GALNT13: variants seen among roughly 807,000 people sequenced by gnomAD.
GALNT13 encodes the protein UDP-GalNAc:polypeptide N-acetylgalactosaminyltransferase 13.
Under a neutral mutation model 64.2 loss-of-function variants are expected in GALNT13, and 28 were observed. The observed-to-expected ratio is 0.44, with a 90% CI of 0.32 to 0.60. The LOEUF (loss-of-function observed/expected upper bound fraction) is 0.60, where lower values mean the gene tolerates loss of function less well. Among genes scored for constraint, GALNT13 ranks in the 20% least tolerant of loss-of-function variants. The pLI, the probability that GALNT13 is intolerant of heterozygous loss-of-function variation, is 0.05. For synonymous variants in GALNT13, 214 were observed against 224.6 expected (o/e 0.95, Z 0.42); for missense variants, 577 against 669.8 (o/e 0.86, Z 1.53).
intron 4 of GALNT13, among the ~76,000 whole-genome samples, chr2:154,225,101 GAGAT>G (rs3078692): frequency 0.099 from 13,454 of 135,480 alleles, 738 homozygotes; most frequent in Non-Finnish European, 0.1. Flanking sequence ...CACACATGGA[GAGAT>G]AGATAGATAG....
At chr2:153,290,766 A>G in the GALNT13 span, among the ~76,000 whole-genome samples, 2 of 152,192 alleles carry the variant, frequency 1.3e-5, no homozygotes, top group African/African-American at 2.4e-5. Context: ...TAGTGTTTTG[A>G]TAATTTCTTT....
chr2:154,049,515 T>TCA (rs368772337), intron 3 of GALNT13, among the ~76,000 whole-genome samples: 1 of 145,134 alleles, frequency 6.9e-6, no homozygotes, highest in Non-Finnish European at 1.5e-5. Flanking sequence ...ATTTTAAATA[T>TCA]TATATATATA....
chr2:153,798,287 A>G, the GALNT13 span, among the ~76,000 whole-genome samples: 1 of 152,222 alleles, frequency 6.6e-6, no homozygotes, highest in South Asian at 2.1e-4. Context: ...TAAACAAATT[A>G]TTTAGTTTCC....
Position 154,313,880 on chromosome 2 carries a change from T to G in GALNT13, c.1156+12291T>G, listed in dbSNP as rs114769992. ...TACCTCTAGTCTAATCATTTTTTTT[T>G]GTATATGCAACCAATACAATAGTCT... On this transcript the variant is annotated intron_variant, in intron 9 of 12. Transcript: ENST00000392825. Among the ~76,000 whole-genome samples the G allele has an allele frequency of 6.5e-3, 986 of 152,190 alleles. 6 individuals are homozygous for G. The highest frequency in any genetic ancestry group is 0.022 in the African/African-American group (908 of 41,524).
At chr2:154,230,010 A>T (rs945392716) in intron 4 of GALNT13, among the ~76,000 whole-genome samples, 2 of 152,140 alleles carry the variant, frequency 1.3e-5, no homozygotes, top group African/African-American at 2.4e-5. Flanking sequence ...TACTGATTCC[A>T]TGCAATAATT....
At chr2:153,261,401 C>T in the GALNT13 span, among the ~76,000 whole-genome samples, 3 of 152,164 alleles carry the variant, frequency 2.0e-5, no homozygotes. Context: ...AAATCTTGGT[C>T]ATTGCAGCCA....
intron 3 of GALNT13, among the ~76,000 whole-genome samples, chr2:154,017,052 T>C (rs1697057659): frequency 6.6e-6 from 1 of 152,010 alleles, no homozygotes; most frequent in Non-Finnish European, 1.5e-5. Context: ...GATTAACATA[T>C]AGACAAAAGA....
rs1207953192 is a variant in GALNT13, at chr2:154,325,927, A to C, written c.1156+24338A>C. Among the ~76,000 whole-genome samples the C allele has an allele frequency of 2.0e-5, 3 of 152,114 alleles. No homozygotes were observed. In the East Asian group the frequency reaches 5.8e-4, roughly 29 times the overall value. Reference sequence around the variant, plus strand: ...CACCACTTGGGAACTTATTAGACCCACACTCCGAGGGCGGGGCCCAGGAAG... The same window carrying C: ...CACCACTTGGGAACTTATTAGACCCCCACTCCGAGGGCGGGGCCCAGGAAG... On this transcript the variant is annotated intron_variant, in intron 9 of 12. Coordinates refer to ENST00000392825, the MANE Select transcript of GALNT13 (RefSeq NM_052917.4).
intron 3 of GALNT13, among the ~76,000 whole-genome samples, chr2:154,074,904 A>G (rs1230107295): frequency 6.6e-6 from 1 of 151,934 alleles, no homozygotes; most frequent in African/African-American, 2.4e-5. Context: ...ACATACCTCA[A>G]ATAATAAGAG....
At chr2:154,066,650 G>T (rs572181009) in intron 3 of GALNT13, among the ~76,000 whole-genome samples, 34 of 152,188 alleles carry the variant, frequency 2.2e-4, no homozygotes, top group Admixed American at 2.2e-3. Flanking sequence ...CTTCCAACAT[G>T]AAGGAGAAAT....
chr2:153,248,514 C>CT, the GALNT13 span, among the ~76,000 whole-genome samples: 2 of 151,404 alleles, frequency 1.3e-5, no homozygotes, highest in African/African-American at 2.4e-5. Context: ...ATTCAACATC[C>CT]TTTATGTTAA....
At chr2:153,636,064 C>G in the GALNT13 span, among the ~76,000 whole-genome samples, 6 of 152,056 alleles carry the variant, frequency 3.9e-5, no homozygotes, top group Admixed American at 2.6e-4. Context: ...TTGGTGATTA[C>G]ATTTTTAGCA....
the GALNT13 span, among the ~76,000 whole-genome samples, chr2:153,116,018 A>G: frequency 1.3e-5 from 2 of 152,314 alleles, no homozygotes; most frequent in East Asian, 1.9e-4. Context: ...TGTGTTGTCT[A>G]AAACATTGAT....
intron 3 of GALNT13, among the ~76,000 whole-genome samples, chr2:154,038,008 C>T (rs529522251): frequency 6.6e-6 from 1 of 152,150 alleles, no homozygotes; most frequent in South Asian, 2.1e-4. Flanking sequence ...ATTAGTCAGG[C>T]CTGGTGTCAT....
At chr2:153,330,730 T>C in the GALNT13 span, among the ~76,000 whole-genome samples, 1 of 152,086 alleles carries the variant, frequency 6.6e-6, no homozygotes, top group African/African-American at 2.4e-5. Flanking sequence ...CAGCGAGAGA[T>C]TGTTTGACAT....
the GALNT13 span, among the ~76,000 whole-genome samples, chr2:153,722,038 A>G: frequency 2.7e-5 from 4 of 149,488 alleles, no homozygotes; most frequent in Admixed American, 2.7e-4. Flanking sequence ...CTATTCCAAA[A>G]TTGACCACAT....
the GALNT13 span, among the ~76,000 whole-genome samples, chr2:153,814,095 T>C: frequency 6.6e-6 from 1 of 152,146 alleles, no homozygotes; most frequent in African/African-American, 2.4e-5. Context: ...CATCTGAAAA[T>C]CTAGGTTCAG....
the GALNT13 span, among the ~76,000 whole-genome samples, chr2:153,329,925 G>A: frequency 6.6e-6 from 1 of 152,126 alleles, no homozygotes; most frequent in African/African-American, 2.4e-5. Context: ...ACGTATGAAT[G>A]TTTAATTTAT....
At chr2:154,433,562 TA>T (rs924994648) in intron 11 of GALNT13, among the ~76,000 whole-genome samples, 4 of 150,664 alleles carry the variant, frequency 2.7e-5, no homozygotes, top group East Asian at 1.9e-4. Context: ...CAGTGAGGAA[TA>T]AAAAAAAAGC....
Sources: gnomAD v4.1 joint callset for allele counts (sites outside exome capture counted in the v4.1 genomes callset) on GRCh38, gnomAD v4.1.1 for gene constraint, MANE v1.5 for transcripts, NCBI Gene and HGNC (gene_info 2026-07-23, HGNC 2026-07-21) for gene names.